Variants in PPP1R7 observed in about 807,000 individuals in gnomAD.
PPP1R7 encodes protein phosphatase 1 regulatory subunit 7.
Under a neutral mutation model 45.2 loss-of-function variants are expected in PPP1R7, and 18 were observed. The ratio of observed to expected loss-of-function variants is 0.40; its 90% CI spans 0.28 to 0.59. The LOEUF is 0.59. Ranked by LOEUF, PPP1R7 falls within the 20% of genes least tolerant of loss-of-function variation. The probability of loss-of-function intolerance (pLI) is 0.46; values close to 1 mark genes in which losing one functional copy is unlikely to be tolerated. For missense variants in PPP1R7, 314 were observed against 455.8 expected, an observed-to-expected ratio of 0.69 and a Z score of 2.83; for synonymous variants, 181 against 183.4, an observed-to-expected ratio of 0.99 and a Z score of 0.11.
intron 9 of PPP1R7, among the ~76,000 whole-genome samples, chr2:241,174,427 C>A (rs1361578909): frequency 6.6e-6 from 1 of 152,128 alleles, no homozygotes; most frequent in African/African-American, 2.4e-5. Flanking sequence ...GAGGCTTTTT[C>A]CCTACATAGC....
chr2:241,179,445 A>G (rs367774753), intron 9 of PPP1R7, among the ~76,000 whole-genome samples: 93 of 152,374 alleles, frequency 6.1e-4, no homozygotes, highest in African/African-American at 2.2e-3. Flanking sequence ...CCAAGCATTC[A>G]TACCTAACTT....
At chr2:241,150,573 C>T in intron 1 of PPP1R7, 26 bp downstream of exon 1, 4 of 1,579,322 alleles carry the variant, frequency 2.5e-6, no homozygotes, top group Non-Finnish European at 3.4e-6. Context: ...GGGCGGCGGC[C>T]CAAGGGCCCA....
chr2:241,160,740 A>G (rs1456889893), intron 6 of PPP1R7, among the ~76,000 whole-genome samples: 2 of 152,266 alleles, frequency 1.3e-5, no homozygotes, highest in Non-Finnish European at 2.9e-5. Flanking sequence ...CATCCAGATC[A>G]TGACCCTGAA....
chr2:241,153,740 C>T (rs2067376577), intron 2 of PPP1R7, 136 bp downstream of exon 2: 3 of 1,119,562 alleles, frequency 2.7e-6, no homozygotes, highest in Non-Finnish European at 3.7e-6. Context: ...CCTCAGTGGC[C>T]CAGGGCAGGT....
intron 9 of PPP1R7, among the ~76,000 whole-genome samples, chr2:241,180,001 G>A (rs987388619): frequency 3.3e-5 from 5 of 152,304 alleles, no homozygotes; most frequent in South Asian, 2.1e-4. Flanking sequence ...AAGATGGTCC[G>A]CCCATCTAGA....
intron 9 of PPP1R7, among the ~76,000 whole-genome samples, chr2:241,179,238 C>T (rs1186311112): frequency 6.6e-6 from 1 of 152,174 alleles, no homozygotes; most frequent in East Asian, 1.9e-4. Flanking sequence ...GGGATGTTTG[C>T]ACACAGGCCC....
intron 2 of PPP1R7, chr2:241,155,300 G>A (rs2067428996): frequency 6.6e-6 from 1 of 152,194 alleles, no homozygotes; most frequent in African/African-American, 2.4e-5. Context: ...TTATAGATGA[G>A]GAAAATGAGA....
intron 2 of PPP1R7, chr2:241,155,231 C>T (rs950234184): frequency 1.3e-5 from 2 of 152,238 alleles, no homozygotes; most frequent in Non-Finnish European, 2.9e-5. Context: ...CCCTGGCTCA[C>T]TAGCACAGGC....
intron 7 of PPP1R7, among the ~76,000 whole-genome samples, chr2:241,164,670 G>A (rs1037076454): frequency 1.2e-4 from 19 of 152,084 alleles, no homozygotes; most frequent in East Asian, 5.8e-4. Context: ...AGATCTAGGC[G>A]GTCAGATCGC....
rs549041043 is a variant in PPP1R7 at position 241,166,373 on chromosome 2, C to T, written c.751C>T (p.Leu251=). 5 of 1,614,068 alleles carry T rather than the reference C, an allele frequency of 3.1e-6. No homozygotes were observed. The highest frequency in any genetic ancestry group is 4.5e-5 in the East Asian group (2 of 44,884). ...GACCAAGATCGAGGGTCTGCAGAAC[C>T]TGGTGAACCTGCGGGAGCTGTACCT... ...RLTKIEGLQN[L]VNLRELYLSH... is the part of the protein sequence containing the mutation. The change falls in exon 8 of 10, where the codon CTG becomes TTG. Residue 251 remains leucine (L), a synonymous_variant. Transcript: ENST00000234038.
chr2:241,158,864 A>C lies in PPP1R7; in HGVS notation c.303+315A>C, dbSNP rs1435837531. On this transcript the variant is annotated intron_variant, in intron 4 of 9. Transcript: ENST00000234038. Reference sequence around the variant, plus strand: ...ACTTTTACAGTCCTCCGTGCCTCTCATTGGAATTTGTCAAAATTGAGCCCA... The same window carrying C: ...ACTTTTACAGTCCTCCGTGCCTCTCCTTGGAATTTGTCAAAATTGAGCCCA... The C allele has an allele frequency of 7.0e-6, 3 of 426,130 alleles. No individual in the cohort carries two copies. In the South Asian group the frequency reaches 1.0e-4, roughly 15 times the overall value. The allele number at this position is 426,130 out of a possible 1,614,324, so 26.4% of individuals were successfully genotyped here.
chr2:241,170,612 C>T (rs1043867354), intron 9 of PPP1R7, among the ~76,000 whole-genome samples: 20 of 152,212 alleles, frequency 1.3e-4, no homozygotes, highest in Non-Finnish European at 1.9e-4. Flanking sequence ...TACATTCAGT[C>T]TAATCCAGGA....
Position 241,182,811 on chromosome 2 carries a change from C to T in PPP1R7, c.1071C>T (p.Phe357=), listed in dbSNP as rs773561897. ...CCGTGCGGCAGATCGATGCCACGTT[C>T]GTCAGGTTCTGAGTCCTTCTTGGCT... ...LPSVRQIDAT[F]VRF The change falls in exon 10 of 10, where the codon TTC becomes TTT. Residue 357 remains phenylalanine (F), a synonymous_variant. Coordinates refer to ENST00000234038, the MANE Select transcript of PPP1R7 (RefSeq NM_002712.3). 10 of 1,612,610 alleles carry T rather than the reference C, an allele frequency of 6.2e-6. No individual in the cohort carries two copies. Among genetic ancestry groups the T allele is most frequent in the East Asian group, 2.2e-5 (1 of 44,840 alleles).
rs896562225 is a variant in PPP1R7, at chr2:241,183,525, G to A, written c.*702G>A. The A allele has an allele frequency of 5.9e-5, 27 of 460,254 alleles. No homozygotes were observed. The highest frequency in any genetic ancestry group is 3.2e-4 in the Admixed American group (13 of 40,036). 28.5% of individuals were successfully genotyped at this position (460,254 alleles called of 1,614,324 possible). On this transcript the variant is annotated 3_prime_UTR_variant, in exon 10 of 10. Transcript: ENST00000234038. ...CGGTGCTGTGCTGCTGCCAGAATAC[G>A]AGTCCCATTGAGCCTCTCCAAAGAC...
intron 6 of PPP1R7, among the ~76,000 whole-genome samples, chr2:241,161,698 C>T (rs890964108): frequency 1.3e-5 from 2 of 152,232 alleles, no homozygotes; most frequent in African/African-American, 4.8e-5. Flanking sequence ...CCAGCTGACT[C>T]ATAACCACCG....
At chr2:241,176,673 C>T (rs1022690236) in intron 9 of PPP1R7, among the ~76,000 whole-genome samples, 1 of 152,072 alleles carries the variant, frequency 6.6e-6, no homozygotes, top group African/African-American at 2.4e-5. Context: ...GTTGGCCAGG[C>T]TGGTCTTGAA....
chr2:241,166,106 G>A (rs1251551134), intron 7 of PPP1R7, among the ~76,000 whole-genome samples: 1 of 139,268 alleles, frequency 7.2e-6, no homozygotes, highest in Non-Finnish European at 1.6e-5. Context: ...GTTTCACCAC[G>A]TTAGCCAGGA....
intron 3 of PPP1R7, 92 bp from the exon 4 acceptor site, chr2:241,158,392 A>T: frequency 2.5e-6 from 3 of 1,213,786 alleles, no homozygotes; most frequent in Non-Finnish European, 3.7e-6. Flanking sequence ...TGCCTCCCCC[A>T]CTGCTGCCCA....
chr2:241,164,473 G>A lies in PPP1R7; in HGVS notation c.714+1072G>A, dbSNP rs1200720012. Among the ~76,000 whole-genome samples the A allele has an allele frequency of 3.3e-5, 5 of 152,222 alleles. No individual in the cohort carries two copies. The South Asian group carries it at 6.2e-4, about 19-fold the overall frequency. On this transcript the variant is annotated intron_variant, in intron 7 of 9. Coordinates refer to ENST00000234038, the MANE Select transcript of PPP1R7 (RefSeq NM_002712.3). ...ATTAGCAGAATTGGACCCTTGAAGCGAGATGGAACAGAGTGCTCTGGGGAC... is the reference window on the plus strand; with the variant it reads ...ATTAGCAGAATTGGACCCTTGAAGCAAGATGGAACAGAGTGCTCTGGGGAC...
Sources: allele counts gnomAD v4.1 joint callset (sites outside exome capture counted in the v4.1 genomes callset), GRCh38; gene constraint gnomAD v4.1.1; transcripts MANE v1.5; gene names NCBI Gene and HGNC (gene_info 2026-07-23, HGNC 2026-07-21).